Variants in PLD5 observed in about 807,000 individuals in gnomAD.
The protein encoded by PLD5 is phospholipase D family member 5.
PLD5 carries 36 observed loss-of-function variants against 61.1 expected under a neutral mutation model. The observed-to-expected ratio is 0.59, with a 90% CI of 0.45 to 0.78. The LOEUF (loss-of-function observed/expected upper bound fraction) is 0.78. Ranked by LOEUF, PLD5 falls within the 30% of genes least tolerant of loss-of-function variation. The pLI is 0.00. For missense variants in PLD5, 515 were observed against 644.4 expected (o/e 0.80, Z 2.17); for synonymous variants, 243 against 242.8 (o/e 1.00, Z -0.01).
intron 5 of PLD5, among the ~76,000 whole-genome samples, chr1:242,163,178 C>T (rs562535829): frequency 2.1e-5 from 3 of 142,146 alleles, no homozygotes; most frequent in Non-Finnish European, 1.5e-5. Flanking sequence ...GAGTCTCACT[C>T]TGTCACCCAG....
intron 1 of PLD5, among the ~76,000 whole-genome samples, chr1:242,384,984 T>C (rs1245376904): frequency 6.6e-6 from 1 of 152,162 alleles, no homozygotes. Context: ...AAGTACCAGG[T>C]GAGCCTGAGA....
intron 1 of PLD5, among the ~76,000 whole-genome samples, chr1:242,436,330 C>G (rs1011362865): frequency 2.0e-5 from 3 of 152,062 alleles, no homozygotes; most frequent in African/African-American, 7.2e-5. Flanking sequence ...TTCTTTTTGC[C>G]CTGTTAAAAA....
chr1:242,334,296 AACC>A (rs1222019073), intron 2 of PLD5, among the ~76,000 whole-genome samples: 2 of 149,868 alleles, frequency 1.3e-5, no homozygotes, highest in Non-Finnish European at 3.0e-5. Flanking sequence ...ACTCTCATAA[AACC>A]TGAATCTACA....
intron 5 of PLD5, among the ~76,000 whole-genome samples, chr1:242,183,497 C>T (rs1667654059): frequency 6.6e-6 from 1 of 152,206 alleles, no homozygotes; most frequent in African/African-American, 2.4e-5. Flanking sequence ...ATTAGTACAT[C>T]AGACTAGTTG....
At chr1:242,189,350 G>A (rs1668097296) in intron 5 of PLD5, among the ~76,000 whole-genome samples, 1 of 151,438 alleles carries the variant, frequency 6.6e-6, no homozygotes, top group Admixed American at 6.6e-5. Flanking sequence ...GGAGGCTGAG[G>A]CAGGAGAATT....
intron 1 of PLD5, among the ~76,000 whole-genome samples, chr1:242,518,329 ACGTTGT>A (rs1669170812): frequency 6.6e-6 from 1 of 152,212 alleles, no homozygotes; most frequent in African/African-American, 2.4e-5. Context: ...CTCAACATTT[ACGTTGT>A]ACCCTAAACT....
intron 4 of PLD5, among the ~76,000 whole-genome samples, chr1:242,263,860 G>T (rs3913529): frequency 0.35 from 53,689 of 151,968 alleles, 9,820 homozygotes; most frequent in African/African-American, 0.44. Context: ...CAAATATTCA[G>T]CAACTCCAAA....
chr1:242,297,363 A>G lies in PLD5; in HGVS notation c.327-8833T>C, dbSNP rs1326420161. ...CTTCTCAAAAAAAAAAAAAAAAAAAAAAAGGAAAGCTTCCCCCCTTTTCCT... is the reference window on the plus strand; with the variant it reads ...CTTCTCAAAAAAAAAAAAAAAAAAAGAAAGGAAAGCTTCCCCCCTTTTCCT... On this transcript the variant is annotated intron_variant, in intron 2 of 9. Transcript: ENST00000536534. Among the ~76,000 whole-genome samples, 261 of 149,084 alleles carry G rather than the reference A, an allele frequency of 1.8e-3. 2 individuals carry two copies. Among genetic ancestry groups the G allele is most frequent in the African/African-American group, 6.3e-3 (255 of 40,750 alleles).
chr1:242,397,764 G>T (rs546029662), intron 1 of PLD5, among the ~76,000 whole-genome samples: 1 of 143,298 alleles, frequency 7.0e-6, no homozygotes, highest in South Asian at 2.3e-4. Context: ...TTCTTAGCAC[G>T]TCTTTTTCTT....
chr1:242,265,005 C>T (rs773593568), intron 4 of PLD5, among the ~76,000 whole-genome samples: 1 of 152,116 alleles, frequency 6.6e-6, no homozygotes, highest in Non-Finnish European at 1.5e-5. Flanking sequence ...AGTAGAGATC[C>T]AGTGTCTATT....
chr1:242,407,553 G>GTTGTT (rs1370606172), intron 1 of PLD5, among the ~76,000 whole-genome samples: 1 of 115,896 alleles, frequency 8.6e-6, no homozygotes, highest in African/African-American at 4.1e-5. Flanking sequence ...TTTTGTTGTG[G>GTTGTT]TTGTTTTGTT....
chr1:242,451,031 C>T (rs1297677207), intron 1 of PLD5, among the ~76,000 whole-genome samples: 1 of 152,228 alleles, frequency 6.6e-6, no homozygotes, highest in Admixed American at 6.5e-5. Context: ...TCTCTAGAAA[C>T]ACTCAGCCAC....
chr1:242,247,020 G>A (rs1195470168), intron 4 of PLD5, among the ~76,000 whole-genome samples: 1 of 142,652 alleles, frequency 7.0e-6, no homozygotes, highest in Non-Finnish European at 1.5e-5. Context: ...GTTTCGCTCT[G>A]TCGCCCAGGC....
chr1:242,258,521 A>G (rs1477780539), intron 4 of PLD5, among the ~76,000 whole-genome samples: 1 of 152,220 alleles, frequency 6.6e-6, no homozygotes. Context: ...ACATTTTAAC[A>G]TCTCTGACAT....
intron 1 of PLD5, among the ~76,000 whole-genome samples, chr1:242,359,326 T>A (rs1342289379): frequency 6.6e-6 from 1 of 152,158 alleles, no homozygotes; most frequent in Admixed American, 6.5e-5. Flanking sequence ...CCATGAGCCC[T>A]GGGGAATCCT....
chr1:242,282,093 G>A (rs1674747729), intron 3 of PLD5, among the ~76,000 whole-genome samples: 2 of 152,096 alleles, frequency 1.3e-5, no homozygotes, highest in Admixed American at 1.3e-4. Context: ...GGTACAGTGT[G>A]TACACAAATC....
At chr1:242,122,895 G>A (rs914370623) in intron 6 of PLD5, among the ~76,000 whole-genome samples, 8 of 152,166 alleles carry the variant, frequency 5.3e-5, no homozygotes, top group African/African-American at 1.9e-4. Context: ...ATGCTGTTTA[G>A]TGACAAAAAA....
At chr1:242,094,378 A>T (rs748297023) in intron 9 of PLD5, among the ~76,000 whole-genome samples, 1 of 152,160 alleles carries the variant, frequency 6.6e-6, no homozygotes, top group Non-Finnish European at 1.5e-5. Context: ...TGGAGATTTC[A>T]AAATTAGAGA....
chr1:242,411,402 A>AT (rs1484634635), intron 1 of PLD5, among the ~76,000 whole-genome samples: 2 of 151,876 alleles, frequency 1.3e-5, no homozygotes, highest in African/African-American at 4.8e-5. Context: ...CGCCCGGCTA[A>AT]TTTTTTGTAT....
Sources: gnomAD v4.1 joint callset for allele counts (sites outside exome capture counted in the v4.1 genomes callset) on GRCh38, gnomAD v4.1.1 for gene constraint, MANE v1.5 for transcripts, NCBI Gene and HGNC (gene_info 2026-07-23, HGNC 2026-07-21) for gene names.